Variants in CACNG8 observed in about 807,000 individuals in gnomAD.
CACNG8 encodes the protein calcium voltage-gated channel auxiliary subunit gamma 8, also known as voltage-dependent calcium channel gamma-8 subunit.
CACNG8 carries 5 observed loss-of-function variants against 26.9 expected under a neutral mutation model. That is an observed-to-expected ratio of 0.19 (90% CI 0.10 to 0.39). The LOEUF is 0.39. Ranked by LOEUF, CACNG8 falls within the 10% of genes least tolerant of loss-of-function variation. CACNG8 has a pLI of 1.00. For missense variants in CACNG8, 473 were observed against 609.4 expected, an observed-to-expected ratio of 0.78 and a Z score of 2.36; for synonymous variants, 321 against 296.7, an observed-to-expected ratio of 1.08 and a Z score of -0.84.
rs1446686031 is a variant in CACNG8, at chr19:53,981,837, C to T, written c.509-243C>T. ...GGCCAGCTAAGAGTGGGCCGGAGCC[C>T]TCTGGGTTGGAGCTTAGACCAGCAG... is the stretch of plus-strand genomic sequence containing the variant. On this transcript the variant is annotated intron_variant, in intron 3 of 3. Coordinates refer to ENST00000270458, the MANE Select transcript of CACNG8 (RefSeq NM_031895.6). Among the ~76,000 whole-genome samples the T allele has an allele frequency of 4.6e-5, 7 of 152,296 alleles. No individual in the cohort carries two copies. The South Asian group carries it at 1.0e-3, about 23-fold the overall frequency.
chr19:53,965,570 ATTCG>A (rs769615174), intron 1 of CACNG8, among the ~76,000 whole-genome samples: 71 of 151,938 alleles, frequency 4.7e-4, no homozygotes, highest in Middle Eastern at 3.4e-3. Context: ...TCATTCATTC[ATTCG>A]TTCATTCAAC....
chr19:53,977,315 A>G (rs2069335481), intron 1 of CACNG8, among the ~76,000 whole-genome samples: 1 of 152,218 alleles, frequency 6.6e-6, no homozygotes, highest in South Asian at 2.1e-4. Context: ...GGTCTGCAGA[A>G]CTGGACAGAG....
intron 2 of CACNG8, 107 bp downstream of exon 2, chr19:53,978,336 G>C: frequency 1.3e-6 from 1 of 789,114 alleles, no homozygotes; most frequent in Non-Finnish European, 2.1e-6. Context: ...CACTTGGATC[G>C]ACACGCCGAG....
chr19:53,980,828 G>A (rs897663629), intron 3 of CACNG8, among the ~76,000 whole-genome samples: 3 of 152,226 alleles, frequency 2.0e-5, no homozygotes, highest in African/African-American at 7.2e-5. Context: ...CGTATGAGTA[G>A]CATTGGGAAA....
intron 2 of CACNG8, 43 bp from the exon 3 acceptor site, chr19:53,979,824 C>T: frequency 4.6e-6 from 7 of 1,530,086 alleles, no homozygotes; most frequent in Non-Finnish European, 6.2e-6. Flanking sequence ...CGCGTCTGAC[C>T]GCCCTCGCTC....
intron 1 of CACNG8, among the ~76,000 whole-genome samples, chr19:53,965,566 ATTCATTCG>A: frequency 6.6e-6 from 1 of 152,012 alleles, no homozygotes; most frequent in East Asian, 1.9e-4. Flanking sequence ...TCATTCATTC[ATTCATTCG>A]TTCATTCAAC....
At position 53,963,205 on chromosome 19, in the gene CACNG8, G is replaced by A. The variant is rs2069252943; in HGVS notation, c.63G>A (p.Val21=). The change falls in exon 1 of 4, where the codon GTG becomes GTA. Residue 21 remains valine, a synonymous_variant. Coordinates refer to ENST00000270458, the MANE Select transcript of CACNG8 (RefSeq NM_031895.6). ...TCTGGTGCGAGAAGGGGGTGCAGGT[G>A]CTGCTGACGACGGTGGGCGCCTTCG... 6.2e-7 allele frequency: 1 copy of A among 1,602,944 alleles called. No homozygotes were observed. The highest frequency in any genetic ancestry group is 2.3e-5 in the East Asian group (1 of 43,676).
At chr19:53,977,807 C>T (rs903332166) in intron 1 of CACNG8, among the ~76,000 whole-genome samples, 1 of 152,198 alleles carries the variant, frequency 6.6e-6, no homozygotes, top group Non-Finnish European at 1.5e-5. Flanking sequence ...CACCCTCTTT[C>T]TTACAGAGGT....
In CACNG8 at chr19:53,982,362, C is replaced by A. The variant is rs2145942513; in HGVS notation, c.791C>A (p.Pro264His). Residue 264 changes from proline to histidine, a missense_variant, in exon 4 of 4, where the codon CCC becomes CAC. Around this residue, in one of 6 missense-constraint regions of CACNG8, gnomAD observed 155 missense variants for 253.0 expected, o/e 0.61. Coordinates refer to ENST00000270458, the MANE Select transcript of CACNG8 (RefSeq NM_031895.6). The surrounding 1 kb of genome is among the most constrained non-coding windows in gnomAD (Gnocchi z 8.4). ...GGCCCCTCGGCCATCCTCCGTCTGC[C>A]CAGTTACCGCTTCCGCTACCGCCGC... The A allele has an allele frequency of 6.5e-7, 1 of 1,539,148 alleles. No individual in the cohort carries two copies.
chr19:53,979,579 C>T (rs144675564), intron 2 of CACNG8, among the ~76,000 whole-genome samples: 30 of 148,978 alleles, frequency 2.0e-4, no homozygotes, highest in African/African-American at 7.4e-4. Context: ...AGAGTGATTT[C>T]GATAAATAAA....
intron 2 of CACNG8, among the ~76,000 whole-genome samples, chr19:53,979,183 G>A (rs1036185576): frequency 7.6e-6 from 1 of 131,728 alleles, no homozygotes; most frequent in Admixed American, 8.1e-5. Context: ...GAAGACAGAT[G>A]AGGCCAGGCA....
At chr19:53,966,294 G>C (rs1296457815) in intron 1 of CACNG8, among the ~76,000 whole-genome samples, 3 of 151,894 alleles carry the variant, frequency 2.0e-5, no homozygotes, top group African/African-American at 7.3e-5. Context: ...TACCATGTTG[G>C]CCAGGCTGGT....
intron 1 of CACNG8, among the ~76,000 whole-genome samples, chr19:53,968,744 G>A: frequency 7.2e-6 from 1 of 139,734 alleles, no homozygotes; most frequent in South Asian, 2.4e-4. Context: ...ACTCCAGCTT[G>A]GGCAACAGAG....
chr19:53,979,553 T>G (rs2069351536), intron 2 of CACNG8, among the ~76,000 whole-genome samples: 1 of 149,872 alleles, frequency 6.7e-6, no homozygotes, highest in African/African-American at 2.5e-5. Context: ...ATGGAGAAGT[T>G]GGGAGAAAAA....
rs1436325504 is a variant in CACNG8, at chr19:53,990,014, A to G, written c.*7165A>G. The G allele has an allele frequency of 3.3e-5, 5 of 152,700 alleles. No homozygotes were observed. Among genetic ancestry groups the G allele is most frequent in the African/African-American group, 1.2e-4 (5 of 41,476 alleles). The allele number at this position is 152,700 out of a possible 1,614,324, so 9.5% of individuals were successfully genotyped here. A position where few individuals can be genotyped will look rare whatever the true frequency, so the allele number is the denominator to read the frequency against. On this transcript the variant is annotated 3_prime_UTR_variant, in exon 4 of 4. Coordinates refer to ENST00000270458, the MANE Select transcript of CACNG8 (RefSeq NM_031895.6). ...GCGCCAGGCCTGCCTGGAGCAGCCA[A>G]CTGTGGGAGAAGAAGGAGTTGGTGA...
At chr19:53,969,510 C>A (rs992241812) in intron 1 of CACNG8, among the ~76,000 whole-genome samples, 1 of 151,898 alleles carries the variant, frequency 6.6e-6, no homozygotes, top group Non-Finnish European at 1.5e-5. Flanking sequence ...CCTCTCACCC[C>A]CGGCCTCTCA....
chr19:53,971,906 CCATGA>C (rs903434253), intron 1 of CACNG8, among the ~76,000 whole-genome samples: 2 of 152,136 alleles, frequency 1.3e-5, no homozygotes, highest in African/African-American at 4.8e-5. Context: ...AGACTCAGGG[CCATGA>C]CATCACCATC....
intron 3 of CACNG8, among the ~76,000 whole-genome samples, chr19:53,981,737 TGGC>T (rs2069369796): frequency 6.6e-6 from 1 of 151,360 alleles, no homozygotes; most frequent in Non-Finnish European, 1.5e-5. Flanking sequence ...TCTGGACCAT[TGGC>T]GGCCCTACAC....
chr19:53,984,598 G>A lies in CACNG8; in HGVS notation c.*1749G>A, dbSNP rs1368056008. The stretch of plus-strand genomic sequence containing the variant: ...TCAGTGCTAACAGTTCTGGGATGCT[G>A]ATGTACAAGGTGGGGCTGGGAGATG... On this transcript the variant is annotated 3_prime_UTR_variant, in exon 4 of 4. Coordinates refer to ENST00000270458, the MANE Select transcript of CACNG8 (RefSeq NM_031895.6). The A allele has an allele frequency of 1.3e-5, 2 of 152,368 alleles. No homozygotes were observed. Among genetic ancestry groups the A allele is most frequent in the Non-Finnish European group, 2.9e-5 (2 of 68,148 alleles). The allele number at this position is 152,368 out of a possible 1,614,324, so 9.4% of individuals were successfully genotyped here. A position where few individuals can be genotyped will look rare whatever the true frequency, so the allele number is the denominator to read the frequency against.
Sources: allele counts gnomAD v4.1 joint callset (sites outside exome capture counted in the v4.1 genomes callset), GRCh38; gene constraint gnomAD v4.1.1; regional missense constraint gnomAD v4.1.1; non-coding constraint Gnocchi (gnomAD v3.1); transcripts MANE v1.5; gene names NCBI Gene and HGNC (gene_info 2026-07-23, HGNC 2026-07-21).